AFF3: variants seen among roughly 807,000 people sequenced by gnomAD.
AFF3 encodes the protein AF4/FMR2 family member 3.
A neutral mutation model predicts 129.7 loss-of-function variants in AFF3; 32 were observed. The observed-to-expected ratio is 0.25, with a 90% CI of 0.19 to 0.33. AFF3 has a LOEUF of 0.33. Among genes scored for constraint, AFF3 ranks in the 10% least tolerant of loss-of-function variants. The pLI is 1.00. For missense variants in AFF3, 1,373 were observed against 1,592.0 expected (o/e 0.86, Z 2.34); for synonymous variants, 644 against 635.4 (o/e 1.01, Z -0.20).
At chr2:99,866,341 C>A (rs1400091061) in intron 7 of AFF3, among the ~76,000 whole-genome samples, 9 of 152,304 alleles carry the variant, frequency 5.9e-5, no homozygotes, top group African/African-American at 2.2e-4. Flanking sequence ...TTCCCATAGA[C>A]TCTCCAGGAG....
rs77730705 is a variant in AFF3 at position 99,952,843 on chromosome 2, G to A, written c.873+53789C>T. On this transcript the variant is annotated intron_variant, in intron 7 of 24. Coordinates refer to ENST00000672756, the MANE Select transcript of AFF3 (RefSeq NM_001386135.1). ...TGAGTGTGGAGGGCAGGCAGCTTGG[G>A]TGCAAATCCTGCCTCTCGAACTTAC... Among the ~76,000 whole-genome samples, 885 of 152,264 alleles carry A rather than the reference G, an allele frequency of 5.8e-3. 10 individuals are homozygous for A. Among genetic ancestry groups the A allele is most frequent in the African/African-American group, 0.021 (856 of 41,532 alleles).
chr2:99,616,078 C>T (rs1681396411), intron 13 of AFF3, among the ~76,000 whole-genome samples: 1 of 152,178 alleles, frequency 6.6e-6, no homozygotes, highest in South Asian at 2.1e-4. Flanking sequence ...CCTCTGTAAA[C>T]CCATCTGCTT....
In AFF3 at chr2:99,813,327, T is replaced by C. The variant is rs190158319; in HGVS notation, c.921+24150A>G. ...AAATGCCATTTGTGTAATAGATTTT[T>C]ATACCAGTTTTATTCAAAAGCTAAC... On this transcript the variant is annotated intron_variant, in intron 8 of 24. Coordinates refer to ENST00000672756, the MANE Select transcript of AFF3 (RefSeq NM_001386135.1). 3.9e-3 allele frequency among the ~76,000 whole-genome samples: 593 copies of C among 152,348 alleles called. 4 individuals are homozygous for C. Among genetic ancestry groups the C allele is most frequent in the Middle Eastern group, 0.014 (4 of 294 alleles).
intron 4 of AFF3, among the ~76,000 whole-genome samples, chr2:100,064,466 T>G (rs1262936041): frequency 6.6e-6 from 1 of 152,226 alleles, no homozygotes; most frequent in Non-Finnish European, 1.5e-5. Context: ...AAGTTCTCAT[T>G]AACATATTAA....
At chr2:99,930,891 C>T (rs933380724) in intron 7 of AFF3, among the ~76,000 whole-genome samples, 1 of 152,176 alleles carries the variant, frequency 6.6e-6, no homozygotes, top group Non-Finnish European at 1.5e-5. Flanking sequence ...GAGAGATGTA[C>T]ATATTTTTTT....
intron 4 of AFF3, among the ~76,000 whole-genome samples, chr2:100,022,847 C>A (rs1683708835): frequency 6.8e-6 from 1 of 147,792 alleles, no homozygotes; most frequent in Non-Finnish European, 1.5e-5. Context: ...GACGGCTCTT[C>A]TTCCTCGAAA....
At chr2:99,931,555 T>C (rs1696673162) in intron 7 of AFF3, among the ~76,000 whole-genome samples, 1 of 152,156 alleles carries the variant, frequency 6.6e-6, no homozygotes, top group African/African-American at 2.4e-5. Flanking sequence ...AAAACAACAG[T>C]TATTGATAGG....
rs189665824 is a variant in AFF3 at position 99,885,728 on chromosome 2, G to T, written c.874-48204C>A. 9.2e-5 allele frequency among the ~76,000 whole-genome samples: 14 copies of T among 152,250 alleles called. No homozygotes were observed. The East Asian group carries it at 2.5e-3, about 27-fold the overall frequency. ...TCCTTGGGGTTCCATGAACTTGTCTGTAGTGGGTCTGTGCATTCACTCCAT... is the reference window on the plus strand; with the variant it reads ...TCCTTGGGGTTCCATGAACTTGTCTTTAGTGGGTCTGTGCATTCACTCCAT... On this transcript the variant is annotated intron_variant, in intron 7 of 24. Transcript: ENST00000672756.
intron 16 of AFF3, 115 bp downstream of exon 16, chr2:99,587,039 G>A: frequency 7.1e-7 from 1 of 1,407,598 alleles, no homozygotes; most frequent in Non-Finnish European, 9.7e-7. Context: ...AAGCAAGTCT[G>A]CAGACCTTGA....
At chr2:99,773,781 G>A (rs1031799462) in intron 8 of AFF3, among the ~76,000 whole-genome samples, 1 of 152,190 alleles carries the variant, frequency 6.6e-6, no homozygotes. Flanking sequence ...AAAAGAGGAA[G>A]TCAAATTATC....
At chr2:99,752,922 C>G (rs1001664653) in intron 8 of AFF3, among the ~76,000 whole-genome samples, 2 of 152,128 alleles carry the variant, frequency 1.3e-5, no homozygotes, top group Non-Finnish European at 2.9e-5. Flanking sequence ...CTTTTTGACA[C>G]ACTTTCTCTA....
intron 13 of AFF3, among the ~76,000 whole-genome samples, chr2:99,602,155 C>T (rs1033788865): frequency 2.0e-5 from 3 of 152,178 alleles, no homozygotes; most frequent in African/African-American, 4.8e-5. Flanking sequence ...GTTCCAGAGA[C>T]GAAGGGACTG....
At chr2:99,990,857 T>C (rs1198322606) in intron 7 of AFF3, among the ~76,000 whole-genome samples, 1 of 152,038 alleles carries the variant, frequency 6.6e-6, no homozygotes, top group Admixed American at 6.6e-5. Context: ...AGCAAGAACA[T>C]GGTATTTATT....
At chr2:99,982,902 T>C (rs539304286) in intron 7 of AFF3, among the ~76,000 whole-genome samples, 1 of 152,332 alleles carries the variant, frequency 6.6e-6, no homozygotes, top group South Asian at 2.1e-4. Context: ...TTAGGTTCGC[T>C]CACCTATAAT....
At chr2:99,755,531 T>C (rs1682026319) in intron 8 of AFF3, among the ~76,000 whole-genome samples, 1 of 152,176 alleles carries the variant, frequency 6.6e-6, no homozygotes, top group Non-Finnish European at 1.5e-5. Flanking sequence ...CCTGCCAAAG[T>C]GCTGGGATTA....
At chr2:99,620,082 T>G (rs551682224) in intron 13 of AFF3, among the ~76,000 whole-genome samples, 13 of 152,280 alleles carry the variant, frequency 8.5e-5, no homozygotes, top group African/African-American at 3.1e-4. Context: ...AATGGGATCC[T>G]GGGTATTCCA....
rs868509037 is a variant in AFF3 at position 100,100,858 on chromosome 2, G to T, written c.53+3544C>A. On this transcript the variant is annotated intron_variant, in intron 4 of 24. Transcript: ENST00000672756. ...ATCAAAAGCTGGTGGACCACAGAAG[G>T]AAGACCAGGGAGTGGAGGGGGCAGC... 1.1e-3 allele frequency among the ~76,000 whole-genome samples: 165 copies of T among 152,358 alleles called. 1 individual carries two copies. The highest frequency in any genetic ancestry group is 3.7e-3 in the African/African-American group (153 of 41,598).
chr2:99,644,664 C>T (rs1316790589), intron 13 of AFF3, among the ~76,000 whole-genome samples: 1 of 152,332 alleles, frequency 6.6e-6, no homozygotes, highest in East Asian at 1.9e-4. Flanking sequence ...TGCAGACGCG[C>T]AGTTGCTCAG....
chr2:100,072,166 G>C (rs1313833529), intron 4 of AFF3, among the ~76,000 whole-genome samples: 2 of 152,154 alleles, frequency 1.3e-5, no homozygotes, highest in East Asian at 3.9e-4. Flanking sequence ...TGGCCTGTTA[G>C]GAACTGGGCC....
Sources: allele counts gnomAD v4.1 joint callset (sites outside exome capture counted in the v4.1 genomes callset), GRCh38; gene constraint gnomAD v4.1.1; transcripts MANE v1.5; gene names NCBI Gene and HGNC (gene_info 2026-07-23, HGNC 2026-07-21).